The following ADAMTSL1 variants were observed in gnomAD, a reference collection of about 807,000 sequenced individuals.
ADAMTSL1 encodes the protein ADAMTS-like protein 1.
Under a neutral mutation model 201.8 loss-of-function variants are expected in ADAMTSL1, and 126 were observed. The ratio of observed to expected loss-of-function variants is 0.62; its 90% CI spans 0.54 to 0.72. The LOEUF is 0.72. Ranked by LOEUF, ADAMTSL1 falls within the 30% of genes least tolerant of loss-of-function variation. The probability of loss-of-function intolerance (pLI) is 0.00; values close to 1 mark genes in which losing one functional copy is unlikely to be tolerated. For synonymous variants in ADAMTSL1, 1,121 were observed against 903.4 expected, an observed-to-expected ratio of 1.24 and a Z score of -4.32; for missense variants, 2,679 against 2,277.8, an observed-to-expected ratio of 1.18 and a Z score of -3.59.
chr9:18,182,531 T>A (rs1393108246), intron 2 of ADAMTSL1, among the ~76,000 whole-genome samples: 1 of 152,188 alleles, frequency 6.6e-6, no homozygotes, highest in Non-Finnish European at 1.5e-5. Context: ...TCTGTTTATA[T>A]AAGGAGAAAT....
chr9:18,210,408 A>G (rs34137984), intron 2 of ADAMTSL1, among the ~76,000 whole-genome samples: 4,810 of 142,970 alleles, frequency 0.034, 122 homozygotes, highest in Non-Finnish European at 0.054. Context: ...ATATATTATT[A>G]TATATGATAT....
At chr9:18,636,128 C>A in intron 6 of ADAMTSL1, 111 bp downstream of exon 6, 1 of 907,002 alleles carries the variant, frequency 1.1e-6, no homozygotes, top group Non-Finnish European at 1.6e-6. Context: ...TCTACTCTAT[C>A]ATAATATGAT....
At chr9:18,034,165 T>A (rs1821094632) in intron 1 of ADAMTSL1, among the ~76,000 whole-genome samples, 2 of 152,202 alleles carry the variant, frequency 1.3e-5, no homozygotes. Flanking sequence ...TTTCTTTGAA[T>A]CTCTAACCCC....
intron 3 of ADAMTSL1, among the ~76,000 whole-genome samples, chr9:18,554,600 C>G (rs1409177719): frequency 6.6e-6 from 1 of 151,782 alleles, no homozygotes; most frequent in Non-Finnish European, 1.5e-5. Context: ...CTTCTACCCC[C>G]AACCTTTACC....
intron 1 of ADAMTSL1, among the ~76,000 whole-genome samples, chr9:17,907,889 G>A (rs1825786022): frequency 6.6e-6 from 1 of 152,144 alleles, no homozygotes; most frequent in African/African-American, 2.4e-5. Flanking sequence ...GATTACTTGG[G>A]TAATTCTGGG....
intron 2 of ADAMTSL1, among the ~76,000 whole-genome samples, chr9:18,190,558 T>C (rs1323958810): frequency 6.6e-6 from 1 of 152,196 alleles, no homozygotes; most frequent in Non-Finnish European, 1.5e-5. Context: ...AACTGGGAGA[T>C]AATTCAGCTA....
At chr9:18,407,193 C>T (rs1187187290) in intron 2 of ADAMTSL1, among the ~76,000 whole-genome samples, 3 of 152,106 alleles carry the variant, frequency 2.0e-5, no homozygotes, top group Non-Finnish European at 4.4e-5. Context: ...CTCAAAGCTG[C>T]CTGGGGTTCT....
chr9:18,725,976 T>C (rs1235044081), intron 15 of ADAMTSL1, among the ~76,000 whole-genome samples: 14 of 152,220 alleles, frequency 9.2e-5, no homozygotes, highest in Non-Finnish European at 2.1e-4. Context: ...AGCACATTGA[T>C]TTAGACCTAC....
chr9:18,812,877 T>C (rs1424537296), intron 20 of ADAMTSL1, among the ~76,000 whole-genome samples: 1 of 152,160 alleles, frequency 6.6e-6, no homozygotes, highest in Non-Finnish European at 1.5e-5. Flanking sequence ...GGTTTATGTG[T>C]CTATTTTTAT....
At chr9:18,895,003 A>G (rs1356157555) in intron 26 of ADAMTSL1, among the ~76,000 whole-genome samples, 3 of 152,242 alleles carry the variant, frequency 2.0e-5, no homozygotes, top group Non-Finnish European at 2.9e-5. Flanking sequence ...CAGAATAAAC[A>G]AAATACAAAT....
At chr9:18,145,466 A>G (rs1053943215) in intron 1 of ADAMTSL1, among the ~76,000 whole-genome samples, 3 of 152,214 alleles carry the variant, frequency 2.0e-5, no homozygotes, top group African/African-American at 7.2e-5. Flanking sequence ...ATCCATTAAT[A>G]ACTGCATATA....
intron 2 of ADAMTSL1, among the ~76,000 whole-genome samples, chr9:18,365,337 C>A (rs1460404731): frequency 6.6e-6 from 1 of 151,944 alleles, no homozygotes; most frequent in Non-Finnish European, 1.5e-5. Context: ...CCATTAATAA[C>A]AATTCAAAAG....
At chr9:18,659,762 G>A (rs1244849725) in intron 8 of ADAMTSL1, among the ~76,000 whole-genome samples, 1 of 151,994 alleles carries the variant, frequency 6.6e-6, no homozygotes, top group Admixed American at 6.6e-5. Context: ...GCAAGACCCT[G>A]TCTCAAAAAA....
Position 17,914,210 on chromosome 9 carries a change from C to T in ADAMTSL1, c.87+7288C>T, listed in dbSNP as rs1163152015. 2.0e-5 allele frequency among the ~76,000 whole-genome samples: 3 copies of T among 152,208 alleles called. No homozygotes were observed. The South Asian group carries it at 6.2e-4, about 32-fold the overall frequency. On this transcript the variant is annotated intron_variant, in intron 1 of 29. Coordinates refer to the ADAMTSL1 transcript ENST00000680146. ...TCCTGATACCAAAGCCTGGCGGAGA[C>T]ACAACCAAAAAAGAGAATTTTAGAC...
intron 4 of ADAMTSL1, among the ~76,000 whole-genome samples, chr9:18,617,413 G>A (rs981583124): frequency 6.6e-6 from 1 of 151,038 alleles, no homozygotes; most frequent in African/African-American, 2.4e-5. Context: ...CCTACTGCAG[G>A]CCTGATGCCT....
chr9:18,058,614 C>T (rs1363294422), intron 1 of ADAMTSL1, among the ~76,000 whole-genome samples: 2 of 151,936 alleles, frequency 1.3e-5, no homozygotes, highest in Non-Finnish European at 2.9e-5. Context: ...TGGCATTTCT[C>T]ACATAAGAAA....
chr9:18,428,330 C>T (rs1252014385), intron 2 of ADAMTSL1, among the ~76,000 whole-genome samples: 1 of 150,722 alleles, frequency 6.6e-6, no homozygotes. Flanking sequence ...CTATCAGTGG[C>T]TCACATCTAT....
chr9:18,525,388 AC>A (rs1182875625), intron 2 of ADAMTSL1, among the ~76,000 whole-genome samples: 7 of 152,156 alleles, frequency 4.6e-5, no homozygotes, highest in Non-Finnish European at 4.4e-5. Flanking sequence ...TTTTCAAAAC[AC>A]CAGCTCCTGG....
At chr9:18,893,108 C>T (rs1237203116) in intron 26 of ADAMTSL1, among the ~76,000 whole-genome samples, 1 of 151,892 alleles carries the variant, frequency 6.6e-6, no homozygotes, top group Non-Finnish European at 1.5e-5. Flanking sequence ...ACTAACCCCT[C>T]CTTATTTCCA....
Sources: gnomAD v4.1 joint callset for allele counts (sites outside exome capture counted in the v4.1 genomes callset) on GRCh38, gnomAD v4.1.1 for gene constraint, MANE v1.5 for transcripts, NCBI Gene and HGNC (gene_info 2026-07-23, HGNC 2026-07-21) for gene names.